The following AAR2 variants were observed in gnomAD, a reference collection of about 807,000 sequenced individuals.
The protein encoded by AAR2 is AAR2 splicing factor.
A neutral mutation model predicts 26.9 loss-of-function variants in AAR2; 31 were observed. The observed-to-expected ratio is 1.15, with a 90% CI of 0.86 to 1.55. The LOEUF is 1.55. Among genes scored for constraint, AAR2 ranks in the 40% most tolerant of loss-of-function variants. The pLI is 0.00. For missense variants in AAR2, 430 were observed against 491.3 expected, an observed-to-expected ratio of 0.88 and a Z score of 1.18; for synonymous variants, 188 against 196.1, an observed-to-expected ratio of 0.96 and a Z score of 0.34.
rs754206783 is a variant in AAR2, at chr20:36,255,669, G to A, written c.1079G>A (p.Arg360Gln). Reference sequence around the variant, plus strand: ...CAAGCTCACCTGACCAAGAAGTTCCGGTGGGACTTTGCTGCGGAACCTGAG... The same window carrying A: ...CAAGCTCACCTGACCAAGAAGTTCCAGTGGGACTTTGCTGCGGAACCTGAG... ...KFQAHLTKKF[R>Q]WDFAAEPEDC... The change falls in exon 4 of 4, where the codon CGG becomes CAG. Residue 360 changes from arginine to glutamine, a missense_variant. Transcript: ENST00000320849. 42 of 1,614,068 alleles carry A rather than the reference G, an allele frequency of 2.6e-5. No individual in the cohort carries two copies. The highest frequency in any genetic ancestry group is 5.0e-5 in the Admixed American group (3 of 60,008).
chr20:36,237,530 T>A (rs201217647), intron 1 of AAR2, among the ~76,000 whole-genome samples: 6 of 151,998 alleles, frequency 3.9e-5, no homozygotes, highest in Non-Finnish European at 8.8e-5. Flanking sequence ...TCCTAGCATC[T>A]CCTCTGTGCT....
At chr20:36,241,941 G>A (rs1003280827) in intron 2 of AAR2, among the ~76,000 whole-genome samples, 3 of 152,084 alleles carry the variant, frequency 2.0e-5, no homozygotes, top group Non-Finnish European at 4.4e-5. Context: ...ACAGCATTGG[G>A]CATGACAGTT....
Position 36,255,778 on chromosome 20 carries a change from T to C in AAR2, c.*33T>C. 6.2e-7 allele frequency: 1 copy of C among 1,612,732 alleles called. No individual in the cohort carries two copies. Among genetic ancestry groups the C allele is most frequent in the Admixed American group, 1.7e-5 (1 of 59,960 alleles). On this transcript the variant is annotated 3_prime_UTR_variant, in exon 4 of 4. Transcript: ENST00000320849. Reference sequence around the variant, plus strand: ...AGCGCTCTCAGCTGCGAGGGGCCCCTTCCCACAGGGCTGCAGTCCTGGCCT... The same window carrying C: ...AGCGCTCTCAGCTGCGAGGGGCCCCCTCCCACAGGGCTGCAGTCCTGGCCT...
chr20:36,255,670 G>T lies in AAR2; in HGVS notation c.1080G>T (p.Arg360=), dbSNP rs1601188815. The part of the protein sequence containing the change: ...KFQAHLTKKF[R]WDFAAEPEDC... ...AAGCTCACCTGACCAAGAAGTTCCG[G>T]TGGGACTTTGCTGCGGAACCTGAGG... The change falls in exon 4 of 4, where the codon CGG becomes CGT. Residue 360 remains arginine (R), a synonymous_variant. Transcript: ENST00000320849. 3 of 1,614,066 alleles carry T rather than the reference G, an allele frequency of 1.9e-6. No individual in the cohort carries two copies. The highest frequency in any genetic ancestry group is 2.2e-5 in the South Asian group (2 of 91,092).
In AAR2 at chr20:36,246,910, A is replaced by G. The variant is rs535967118; in HGVS notation, c.987+1984A>G. ...ACACATGTCTTTGAGCATTCTTCAT[A>G]TATAACATTCTACTGAAAGTGTTGA... On this transcript the variant is annotated intron_variant, in intron 3 of 3. Coordinates refer to ENST00000320849, the MANE Select transcript of AAR2 (RefSeq NM_001271874.2). Among the ~76,000 whole-genome samples the G allele has an allele frequency of 2.0e-5, 3 of 152,386 alleles. No individual in the cohort carries two copies. The South Asian group carries it at 6.2e-4, about 32-fold the overall frequency.
chr20:36,253,938 A>C (rs2064799838), intron 3 of AAR2, among the ~76,000 whole-genome samples: 1 of 152,216 alleles, frequency 6.6e-6, no homozygotes, highest in African/African-American at 2.4e-5. Flanking sequence ...CACACAGAGA[A>C]AATAACAGGC....
At chr20:36,237,749 CGT>C (rs1569422257) in intron 1 of AAR2, among the ~76,000 whole-genome samples, 6 of 128,286 alleles carry the variant, frequency 4.7e-5, no homozygotes, top group African/African-American at 1.5e-4. Flanking sequence ...GAAGATGATA[CGT>C]ATTATTATTA....
intron 3 of AAR2, among the ~76,000 whole-genome samples, chr20:36,247,996 A>G (rs917918137): frequency 6.6e-6 from 1 of 152,238 alleles, no homozygotes; most frequent in African/African-American, 2.4e-5. Flanking sequence ...GCAGATCTCT[A>G]GAACTTCTTC....
chr20:36,241,130 A>C (rs1228672958), intron 2 of AAR2, among the ~76,000 whole-genome samples: 1 of 151,950 alleles, frequency 6.6e-6, no homozygotes, highest in African/African-American at 2.4e-5. Flanking sequence ...AAAATGATAG[A>C]TAATAATCAT....
chr20:36,248,377 C>T (rs556615384), intron 3 of AAR2, among the ~76,000 whole-genome samples: 32 of 151,224 alleles, frequency 2.1e-4, no homozygotes, highest in Middle Eastern at 6.8e-3. Context: ...GGTCTGTAAC[C>T]CAGGCTGGAG....
chr20:36,253,371 G>T (rs1195582722), intron 3 of AAR2, among the ~76,000 whole-genome samples: 1 of 152,128 alleles, frequency 6.6e-6, no homozygotes, highest in African/African-American at 2.4e-5. Flanking sequence ...GGGCCTGTAG[G>T]GTAGCAGATG....
chr20:36,239,185 T>C (rs1409141518), intron 1 of AAR2, among the ~76,000 whole-genome samples: 1 of 152,206 alleles, frequency 6.6e-6, no homozygotes, highest in African/African-American at 2.4e-5. Flanking sequence ...GGAAGTTGTT[T>C]CACTCCCTGG....
intron 3 of AAR2, among the ~76,000 whole-genome samples, chr20:36,254,686 T>G (rs2064805526): frequency 6.6e-6 from 1 of 152,156 alleles, no homozygotes; most frequent in South Asian, 2.1e-4. Flanking sequence ...TTGCCACAGT[T>G]TAAAAAATAA....
intron 3 of AAR2, among the ~76,000 whole-genome samples, chr20:36,253,541 A>G (rs1316702325): frequency 6.6e-6 from 1 of 152,196 alleles, no homozygotes; most frequent in Non-Finnish European, 1.5e-5. Flanking sequence ...TGAAAACAGT[A>G]AAATAGTATA....
intron 3 of AAR2, among the ~76,000 whole-genome samples, chr20:36,250,025 G>A (rs1383050300): frequency 2.6e-5 from 4 of 152,072 alleles, no homozygotes; most frequent in African/African-American, 7.2e-5. Flanking sequence ...ATAATTATTT[G>A]GGAATTGAAA....
Position 36,244,780 on chromosome 20 carries a change from C to A in AAR2, c.841C>A (p.Leu281Met), listed in dbSNP as rs1261670714. The A allele has an allele frequency of 2.5e-6, 4 of 1,614,104 alleles. No homozygotes were observed. The South Asian group carries it at 4.4e-5, about 18-fold the overall frequency. Reference sequence around the variant, plus strand: ...GCATTGGAAGCGGCTCCTGAACCTCCTGTGCCGGTCAGAAGCAGCCATGAT... The same window carrying A: ...GCATTGGAAGCGGCTCCTGAACCTCATGTGCCGGTCAGAAGCAGCCATGAT... ...FEHWKRLLNL[L>M]CRSEAAMMKH... The change falls in exon 3 of 4, where the codon CTG (leucine) becomes ATG (methionine). Residue 281 changes from leucine (L) to methionine (M), a missense_variant. Coordinates refer to ENST00000320849, the MANE Select transcript of AAR2 (RefSeq NM_001271874.2).
At position 36,255,851 on chromosome 20, in the gene AAR2, TCC is replaced by T; in HGVS notation, c.*107_*108del. The T allele has an allele frequency of 7.3e-7, 1 of 1,363,834 alleles. No homozygotes were observed. Among genetic ancestry groups the T allele is most frequent in the Admixed American group, 2.5e-5 (1 of 39,444 alleles). 84.5% of individuals were successfully genotyped at this position (1,363,834 alleles called of 1,614,324 possible). A position where few individuals can be genotyped will look rare whatever the true frequency, so the allele number is the denominator to read the frequency against. On this transcript the variant is annotated 3_prime_UTR_variant, in exon 4 of 4. Transcript: ENST00000320849. ...TGGGACCTGCCAGGGCAGCAATCTC[TCC>T]AGGTCCTGCAAAGATGGAGCCAGAA...
Position 36,240,189 on chromosome 20 carries a change from G to A in AAR2, c.321G>A (p.Glu107=). 6.2e-7 allele frequency: 1 copy of A among 1,614,192 alleles called. No homozygotes were observed. The highest frequency in any genetic ancestry group is 8.5e-7 in the Non-Finnish European group (1 of 1,180,032). Residue 107 remains glutamate, a synonymous_variant, in exon 2 of 4, where the codon GAG becomes GAA. Coordinates refer to ENST00000320849, the MANE Select transcript of AAR2 (RefSeq NM_001271874.2). ...ACCTGTCCCCAGCCCCAGAGTCTGA[G>A]GTGGAGGCCATGAGGGCCAACCTCC... The part of the protein sequence containing the change: ...EVDLSPAPES[E]VEAMRANLQE...
chr20:36,245,999 T>C (rs1208061656), intron 3 of AAR2, among the ~76,000 whole-genome samples: 1 of 152,216 alleles, frequency 6.6e-6, no homozygotes, highest in Non-Finnish European at 1.5e-5. Context: ...CACTCCAGCC[T>C]GGGCAACAGA....
Sources: gnomAD v4.1 joint callset for allele counts (sites outside exome capture counted in the v4.1 genomes callset) on GRCh38, gnomAD v4.1.1 for gene constraint, MANE v1.5 for transcripts, NCBI Gene and HGNC (gene_info 2026-07-23, HGNC 2026-07-21) for gene names.